S100Z: variants seen among roughly 807,000 people sequenced by gnomAD.
The protein encoded by S100Z is S100 calcium binding protein Z.
S100Z carries 11 observed loss-of-function variants against 8.5 expected under a neutral mutation model. The observed-to-expected ratio is 1.30, with a 90% CI of 0.82 to 2.15. The LOEUF (loss-of-function observed/expected upper bound fraction) is 2.15, where lower values mean the gene tolerates loss of function less well. Ranked by LOEUF, S100Z falls within the 30% of genes most tolerant of loss-of-function variation. S100Z has a pLI of 0.00. For missense variants in S100Z, 126 were observed against 117.9 expected, an observed-to-expected ratio of 1.07 and a Z score of -0.32; for synonymous variants, 34 against 43.8, an observed-to-expected ratio of 0.78 and a Z score of 0.89.
chr5:76,897,487 A>AT (rs1744081541), intron 4 of S100Z, among the ~76,000 whole-genome samples: 1 of 148,924 alleles, frequency 6.7e-6, no homozygotes, highest in South Asian at 2.1e-4. Context: ...AAATAAATAA[A>AT]TTTTAGGATT....
chr5:76,932,631 G>GT, the S100Z span, among the ~76,000 whole-genome samples: 1 of 152,182 alleles, frequency 6.6e-6, no homozygotes, highest in Non-Finnish European at 1.5e-5. Context: ...TGGGATTACA[G>GT]GTGTGATCCA....
intron 1 of S100Z, among the ~76,000 whole-genome samples, chr5:76,861,157 C>G (rs781648227): frequency 6.6e-6 from 1 of 152,236 alleles, no homozygotes. Context: ...AAGGCTTGAC[C>G]CTGGCTGAGG....
At chr5:76,940,155 CA>C in the S100Z span, among the ~76,000 whole-genome samples, 53,271 of 116,216 alleles carry the variant, frequency 0.46, 11,036 homozygotes, top group South Asian at 0.63. Flanking sequence ...GACTCCATCT[CA>C]AAAAAAAAAA....
chr5:76,857,495 C>T (rs1043495026), intron 1 of S100Z, among the ~76,000 whole-genome samples: 1 of 150,976 alleles, frequency 6.6e-6, no homozygotes, highest in South Asian at 2.1e-4. Context: ...CCGTCCTGCC[C>T]CCATTTTTTT....
chr5:76,918,975 T>G (rs945135708), intron 4 of S100Z, among the ~76,000 whole-genome samples: 1 of 152,250 alleles, frequency 6.6e-6, no homozygotes, highest in Non-Finnish European at 1.5e-5. Flanking sequence ...CTTCTCTCAC[T>G]TAATACACAT....
intron 4 of S100Z, among the ~76,000 whole-genome samples, chr5:76,914,379 C>CACCAATCAGCACTCTGTAAAAACGA (rs59153370): frequency 7.7e-6 from 1 of 129,982 alleles, no homozygotes; most frequent in African/African-American, 3.1e-5. Flanking sequence ...TTTGTAAACA[C>CACCAATCAGCACTCTGTAAAAACGA]ACCAATCAGC....
chr5:76,941,761 T>C, the S100Z span, among the ~76,000 whole-genome samples: 2,212 of 151,414 alleles, frequency 0.015, 62 homozygotes, highest in African/African-American at 0.05. Flanking sequence ...GAAGTCACTA[T>C]GTGAAGTGCA....
chr5:76,884,682 G>C (rs900393048), intron 4 of S100Z, among the ~76,000 whole-genome samples: 3 of 152,160 alleles, frequency 2.0e-5, no homozygotes, highest in South Asian at 2.1e-4. Flanking sequence ...TTGGGCAAGT[G>C]GGGGAGGACT....
chr5:76,872,741 G>C (rs1447945516), intron 2 of S100Z, among the ~76,000 whole-genome samples: 1 of 152,104 alleles, frequency 6.6e-6, no homozygotes, highest in Non-Finnish European at 1.5e-5. Flanking sequence ...CAGGCGGATT[G>C]CGTGAGCTCA....
the S100Z span, among the ~76,000 whole-genome samples, chr5:76,933,377 T>A: frequency 1.8e-4 from 27 of 152,192 alleles, no homozygotes; most frequent in Non-Finnish European, 3.4e-4. Context: ...TTCGAGAGGA[T>A]TTCTAGAATT....
intron 1 of S100Z, among the ~76,000 whole-genome samples, chr5:76,864,009 A>T (rs1751173555): frequency 6.6e-6 from 1 of 152,228 alleles, no homozygotes; most frequent in African/African-American, 2.4e-5. Context: ...AATTTTAAAT[A>T]CTGTATTATT....
At chr5:76,870,772 G>T (rs1742980702) in intron 2 of S100Z, among the ~76,000 whole-genome samples, 1 of 152,064 alleles carries the variant, frequency 6.6e-6, no homozygotes. Context: ...TATAGGAGTA[G>T]CTGAGACCAC....
chr5:76,926,502 G>T (rs112038408), downstream of S100Z, among the ~76,000 whole-genome samples: 929 of 152,262 alleles, frequency 6.1e-3, 9 homozygotes, highest in African/African-American at 0.02. Flanking sequence ...GCCCTCCCTG[G>T]ACTGGCTGCT....
At chr5:76,887,080 A>G (rs1280845715) in intron 4 of S100Z, among the ~76,000 whole-genome samples, 1 of 150,734 alleles carries the variant, frequency 6.6e-6, no homozygotes, top group African/African-American at 2.4e-5. Context: ...AAAAGAGCCT[A>G]TCTTTCTTTC....
chr5:76,875,403 T>G lies in S100Z; in HGVS notation c.44T>G (p.Ile15Ser). Reference sequence around the variant, plus strand: ...ATGGCCATGGACACCATGATTAGAATCTTCCACCGCTATTCTGGCAAGGAA... The same window carrying G: ...ATGGCCATGGACACCATGATTAGAAGCTTCCACCGCTATTCTGGCAAGGAA... ...LEMAMDTMIRIFHRYSGKERK... is the reference protein window; with the variant it reads ...LEMAMDTMIRSFHRYSGKERK... Residue 15 changes from isoleucine to serine, a missense_variant, in exon 3 of 5, where the codon ATC becomes AGC. Physicochemically the swap from Ile to Ser is moderately radical, Grantham distance 142. Coordinates refer to ENST00000317593, the MANE Select transcript of S100Z (RefSeq NM_130772.4). The G allele has an allele frequency of 6.2e-7, 1 of 1,613,082 alleles. No individual in the cohort carries two copies.
the S100Z span, among the ~76,000 whole-genome samples, chr5:76,950,368 T>A: frequency 6.6e-6 from 1 of 152,198 alleles, no homozygotes. Flanking sequence ...AGAAGTTCTC[T>A]GTGTGTGTCT....
At chr5:76,865,051 A>AT (rs1257673704) in intron 1 of S100Z, among the ~76,000 whole-genome samples, 1 of 92,662 alleles carries the variant, frequency 1.1e-5, no homozygotes, top group Non-Finnish European at 2.3e-5. Context: ...CCCTCAATTC[A>AT]TAAAAAAAGC....
chr5:76,914,783 C>T (rs1744798744), intron 4 of S100Z, among the ~76,000 whole-genome samples: 1 of 152,012 alleles, frequency 6.6e-6, no homozygotes, highest in African/African-American at 2.4e-5. Flanking sequence ...ACAAACAACT[C>T]CTGACGCACC....
At chr5:76,936,613 TCCTACACA>T in the S100Z span, among the ~76,000 whole-genome samples, 1 of 82,544 alleles carries the variant, frequency 1.2e-5, no homozygotes, top group Non-Finnish European at 2.6e-5. Flanking sequence ...CCATTAAAGT[TCCTACACA>T]CACACACACA....
Sources: allele counts gnomAD v4.1 joint callset (sites outside exome capture counted in the v4.1 genomes callset), GRCh38; gene constraint gnomAD v4.1.1; transcripts MANE v1.5; gene names NCBI Gene and HGNC (gene_info 2026-07-23, HGNC 2026-07-21).